The following DNAJA1 variants were observed in gnomAD, a reference collection of about 807,000 sequenced individuals.
DNAJA1 encodes the protein DnaJ heat shock protein family (Hsp40) member A1.
Under a neutral mutation model 47.6 loss-of-function variants are expected in DNAJA1, and 26 were observed. The ratio of observed to expected loss-of-function variants is 0.55; its 90% CI spans 0.40 to 0.76. The LOEUF is 0.76. Among genes scored for constraint, DNAJA1 ranks in the 30% least tolerant of loss-of-function variants. The probability of loss-of-function intolerance (pLI) is 0.00; values close to 1 mark genes in which losing one functional copy is unlikely to be tolerated. For missense variants in DNAJA1, 315 were observed against 485.0 expected, an observed-to-expected ratio of 0.65 and a Z score of 3.29; for synonymous variants, 165 against 158.4, an observed-to-expected ratio of 1.04 and a Z score of -0.31.
Position 33,029,868 on chromosome 9 carries a change from G to C in DNAJA1, c.311-17G>C. The C allele has an allele frequency of 6.3e-7, 1 of 1,585,194 alleles. No individual in the cohort carries two copies. The highest frequency in any genetic ancestry group is 8.6e-7 in the Non-Finnish European group (1 of 1,163,546). On this transcript the variant is annotated splice_polypyrimidine_tract_variant and intron_variant, in intron 3 of 8. Coordinates refer to ENST00000330899, the MANE Select transcript of DNAJA1 (RefSeq NM_001539.4). ...AGCATCTTAAACAGATTTGCAATGA[G>C]AAATATTTTGTTTTAGGTAAAAATG...
intron 3 of DNAJA1, among the ~76,000 whole-genome samples, chr9:33,029,289 A>G (rs902460345): frequency 6.6e-6 from 1 of 152,220 alleles, no homozygotes; most frequent in African/African-American, 2.4e-5. Flanking sequence ...CAATGCTATT[A>G]TAAAAGGTAT....
At chr9:33,031,424 A>G (rs1483572767) in intron 5 of DNAJA1, among the ~76,000 whole-genome samples, 1 of 151,718 alleles carries the variant, frequency 6.6e-6, no homozygotes, top group Non-Finnish European at 1.5e-5. Context: ...ACCAATGGGC[A>G]TGTTTTTGTT....
At chr9:33,025,621 T>TC in intron 1 of DNAJA1, among the ~76,000 whole-genome samples, 1 of 151,756 alleles carries the variant, frequency 6.6e-6, no homozygotes, top group East Asian at 2.0e-4. Context: ...GCCTGGGATC[T>TC]CCAAGGAGCT....
chr9:33,038,263 G>C (rs1839065749), intron 8 of DNAJA1, among the ~76,000 whole-genome samples: 1 of 152,074 alleles, frequency 6.6e-6, no homozygotes, highest in Admixed American at 6.6e-5. Context: ...CAAAGTGTTG[G>C]GATTTGTAAT....
Position 33,037,998 on chromosome 9 carries a change from CTTT to C in DNAJA1, c.976-673_976-671del, listed in dbSNP as rs74178843. Among the ~76,000 whole-genome samples, 1,346 of 144,346 alleles carry C rather than the reference CTTT, an allele frequency of 9.3e-3. 14 individuals carry two copies. Among genetic ancestry groups the C allele is most frequent in the African/African-American group, 0.03 (1,191 of 39,118 alleles). The allele number at this position is 144,346 out of a possible 152,430, so 94.7% of individuals were successfully genotyped here. On this transcript the variant is annotated intron_variant, in intron 8 of 8. Coordinates refer to ENST00000330899, the MANE Select transcript of DNAJA1 (RefSeq NM_001539.4). ...GTCACCATAAAAATATTAATTAAAA[CTTT>C]TTTTTTTTTTTTTCCTTTTTGAGAC...
Position 33,037,138 on chromosome 9 carries a change from A to G in DNAJA1, c.975+23A>G, listed in dbSNP as rs1433122120. 2.5e-6 allele frequency: 4 copies of G among 1,596,154 alleles called. No homozygotes were observed. In the South Asian group the frequency reaches 4.5e-5, roughly 18 times the overall value. ...AAGGTAAGCTGTAATGTACTTTAAG[A>G]ATACTTGAGAACAATTGGCTTACTA... On this transcript the variant is annotated intron_variant, in intron 8 of 8. Coordinates refer to ENST00000330899, the MANE Select transcript of DNAJA1 (RefSeq NM_001539.4).
intron 3 of DNAJA1, 147 bp downstream of exon 3, chr9:33,027,137 G>C: frequency 1.1e-6 from 1 of 897,894 alleles, no homozygotes; most frequent in Non-Finnish European, 1.6e-6. Context: ...TTATGGTGTC[G>C]TGTTTTTTTG....
chr9:33,030,177 CT>C (rs968771684), intron 4 of DNAJA1, among the ~76,000 whole-genome samples, 188 bp downstream of exon 4: 9 of 152,084 alleles, frequency 5.9e-5, no homozygotes, highest in African/African-American at 2.2e-4. Context: ...AATATCAGCA[CT>C]TTTTTCTGTG....
At chr9:33,025,678 C>G (rs1304949127) in intron 1 of DNAJA1, among the ~76,000 whole-genome samples, 1 of 148,750 alleles carries the variant, frequency 6.7e-6, no homozygotes, top group Admixed American at 6.7e-5. Context: ...GCCCCCCTCC[C>G]CGTCCGTGCT....
chr9:33,029,111 A>G (rs578055910), intron 3 of DNAJA1, among the ~76,000 whole-genome samples: 1 of 152,238 alleles, frequency 6.6e-6, no homozygotes, highest in Non-Finnish European at 1.5e-5. Flanking sequence ...GGCACTCCTT[A>G]GTAGCCACTG....
intron 4 of DNAJA1, 51 bp downstream of exon 4, chr9:33,030,040 T>C (rs773064898): frequency 1.3e-6 from 2 of 1,512,120 alleles, no homozygotes; most frequent in African/African-American, 1.4e-5. Context: ...ACCTTTAATA[T>C]GACACCTGAA....
chr9:33,027,656 A>G (rs933580023), intron 3 of DNAJA1, among the ~76,000 whole-genome samples: 4 of 151,842 alleles, frequency 2.6e-5, no homozygotes, highest in African/African-American at 4.8e-5. Flanking sequence ...GTTCGAGACC[A>G]GCCTGGCCAA....
chr9:33,025,623 C>T (rs1838801520), intron 1 of DNAJA1, among the ~76,000 whole-genome samples: 1 of 152,054 alleles, frequency 6.6e-6, no homozygotes, highest in African/African-American at 2.4e-5. Context: ...CTGGGATCTC[C>T]AAGGAGCTAC....
intron 8 of DNAJA1, 58 bp downstream of exon 8, chr9:33,037,173 A>G (rs1320056738): frequency 2.0e-6 from 3 of 1,519,124 alleles, no homozygotes; most frequent in Admixed American, 1.8e-5. Flanking sequence ...AAAATCTGAT[A>G]AAAAAGTAAA....
intron 3 of DNAJA1, among the ~76,000 whole-genome samples, chr9:33,028,542 A>G (rs1484165308): frequency 1.3e-5 from 2 of 152,246 alleles, no homozygotes; most frequent in Non-Finnish European, 2.9e-5. Flanking sequence ...GGAAAGGATT[A>G]TGTTTTTATT....
chr9:33,033,576 GCTA>G (rs1838993396), intron 5 of DNAJA1, among the ~76,000 whole-genome samples: 1 of 151,998 alleles, frequency 6.6e-6, no homozygotes, highest in Middle Eastern at 3.2e-3. Flanking sequence ...TGTGGTCCTG[GCTA>G]CTCGGGAGGC....
intron 5 of DNAJA1, among the ~76,000 whole-genome samples, chr9:33,031,028 G>C (rs1429504522): frequency 2.0e-5 from 3 of 152,176 alleles, no homozygotes; most frequent in Admixed American, 6.5e-5. Flanking sequence ...GGAGTTACTA[G>C]ATCAAGGGAT....
In DNAJA1 at chr9:33,038,931, G is replaced by C; in HGVS notation, c.*28G>C. ...GGCCAGTGAATAACACTCACTGCTGGCATTTAATGTGCAGTAGTGAATGAG... is the reference window on the plus strand; with the variant it reads ...GGCCAGTGAATAACACTCACTGCTGCCATTTAATGTGCAGTAGTGAATGAG... On this transcript the variant is annotated 3_prime_UTR_variant, in exon 9 of 9. Coordinates refer to ENST00000330899, the MANE Select transcript of DNAJA1 (RefSeq NM_001539.4). The C allele has an allele frequency of 1.3e-6, 2 of 1,569,788 alleles. No individual in the cohort carries two copies. The highest frequency in any genetic ancestry group is 1.7e-6 in the Non-Finnish European group (2 of 1,149,332).
intron 5 of DNAJA1, 80 bp downstream of exon 5, chr9:33,030,747 C>T (rs1351094569): frequency 8.2e-6 from 10 of 1,218,608 alleles, no homozygotes; most frequent in Non-Finnish European, 1.2e-5. Context: ...GTTTAAAAAT[C>T]ATTCTTAATT....
Sources: gnomAD v4.1 joint callset for allele counts (sites outside exome capture counted in the v4.1 genomes callset) on GRCh38, gnomAD v4.1.1 for gene constraint, MANE v1.5 for transcripts, NCBI Gene and HGNC (gene_info 2026-07-23, HGNC 2026-07-21) for gene names.